JCAD: variants seen among roughly 807,000 people sequenced by gnomAD.
JCAD encodes the protein junctional cadherin 5-associated protein.
In JCAD, 40 loss-of-function variants were observed where a neutral mutation model predicts 98.0. The ratio of observed to expected loss-of-function variants is 0.41; its 90% CI spans 0.32 to 0.53. JCAD has a LOEUF of 0.53. JCAD is among the 20% of genes least tolerant of loss of function. JCAD has a pLI of 0.31. For missense variants in JCAD, 1,705 were observed against 1,738.1 expected, an observed-to-expected ratio of 0.98 and a Z score of 0.34; for synonymous variants, 691 against 682.3, an observed-to-expected ratio of 1.01 and a Z score of -0.20.
intron 3 of JCAD, among the ~76,000 whole-genome samples, chr10:30,018,737 G>C (rs140567348): frequency 5.9e-5 from 9 of 152,074 alleles, no homozygotes; most frequent in Admixed American, 1.3e-4. Flanking sequence ...AGGCTCACAC[G>C]TGCGCCTCCT....
chr10:30,039,062 G>C (rs1303746634), intron 2 of JCAD, among the ~76,000 whole-genome samples: 1 of 152,176 alleles, frequency 6.6e-6, no homozygotes, highest in African/African-American at 2.4e-5. Context: ...TGATTAACAT[G>C]GCAAGGACGC....
chr10:30,051,284 GCA>G lies in JCAD; in HGVS notation c.-59-3415_-59-3414del, dbSNP rs58845322. On this transcript the variant is annotated intron_variant, in intron 1 of 3. Coordinates refer to ENST00000375377, the MANE Select transcript of JCAD (RefSeq NM_020848.4). ...CGCACACACGCACGCACACACGCACGCACACACACACACACACACACACAAGA... is the reference window on the plus strand; with the variant it reads ...CGCACACACGCACGCACACACGCACGCACACACACACACACACACACAAGA... Among the ~76,000 whole-genome samples the G allele has an allele frequency of 2.6e-3, 377 of 146,698 alleles. 2 individuals are homozygous for G. Among genetic ancestry groups the G allele is most frequent in the South Asian group, 8.7e-3 (38 of 4,356 alleles).
chr10:30,110,815 T>G (rs1418689970), intron 1 of JCAD, among the ~76,000 whole-genome samples: 1 of 152,064 alleles, frequency 6.6e-6, no homozygotes, highest in African/African-American at 2.4e-5. Flanking sequence ...GACCAGCTGA[T>G]GTATGCACCC....
chr10:30,056,017 G>A (rs2132653621), intron 1 of JCAD, among the ~76,000 whole-genome samples: 1 of 152,088 alleles, frequency 6.6e-6, no homozygotes, highest in Middle Eastern at 3.4e-3. Flanking sequence ...GCTTTGGCTA[G>A]CAATATTTTT....
intron 3 of JCAD, among the ~76,000 whole-genome samples, chr10:30,018,260 G>A (rs1244962796): frequency 6.6e-6 from 1 of 150,466 alleles, no homozygotes; most frequent in African/African-American, 2.5e-5. Flanking sequence ...TAAGGTAGAT[G>A]TCTTATCTTT....
At chr10:30,058,424 C>G (rs1338909852) in intron 1 of JCAD, among the ~76,000 whole-genome samples, 2 of 152,142 alleles carry the variant, frequency 1.3e-5, no homozygotes, top group Non-Finnish European at 2.9e-5. Context: ...GCTAATTCCC[C>G]CAAGGCCTCT....
At chr10:30,030,173 G>T (rs543567215) in intron 2 of JCAD, among the ~76,000 whole-genome samples, 9 of 152,342 alleles carry the variant, frequency 5.9e-5, no homozygotes, top group African/African-American at 2.2e-4. Context: ...GCCGGGCACC[G>T]TGGCTCATGC....
rs927740410 is a variant in JCAD, at chr10:30,059,072, G to A, written c.-60+410C>T. 1.3e-5 allele frequency among the ~76,000 whole-genome samples: 2 copies of A among 152,016 alleles called. No homozygotes were observed. Among genetic ancestry groups the A allele is most frequent in the Non-Finnish European group, 2.9e-5 (2 of 67,950 alleles). ...GCGCGAGGGCGCGGGAGGGGTTGGT[G>A]GACACAGGCTGGGGAGGGCGACTTC... On this transcript the variant is annotated intron_variant, in intron 1 of 3. Transcript: ENST00000375377. This position sits in a 1 kb window ranked among gnomAD's most constrained non-coding sequence, Gnocchi z 5.0.
At chr10:30,058,095 G>C (rs368670994) in intron 1 of JCAD, among the ~76,000 whole-genome samples, 1 of 152,178 alleles carries the variant, frequency 6.6e-6, no homozygotes, top group Non-Finnish European at 1.5e-5. Flanking sequence ...ATTTCTGGCT[G>C]CCCGAATCCT....
At chr10:30,100,449 T>A (rs919226899) in intron 1 of JCAD, among the ~76,000 whole-genome samples, 1 of 152,176 alleles carries the variant, frequency 6.6e-6, no homozygotes, top group African/African-American at 2.4e-5. Flanking sequence ...TGACGCGATC[T>A]CGGTTCACTG....
intron 1 of JCAD, among the ~76,000 whole-genome samples, chr10:30,097,421 T>C (rs1838388805): frequency 6.6e-6 from 1 of 152,080 alleles, no homozygotes; most frequent in South Asian, 2.1e-4. Flanking sequence ...TTTTCTATTT[T>C]TCATCCTACA....
upstream of JCAD, among the ~76,000 whole-genome samples, chr10:30,063,746 A>C (rs145113967): frequency 8.5e-5 from 13 of 152,180 alleles, no homozygotes; most frequent in South Asian, 4.2e-4. Context: ...TATAGTTTGA[A>C]TATTTGTTTC....
intron 1 of JCAD, among the ~76,000 whole-genome samples, chr10:30,086,207 T>TA (rs1156301781): frequency 3.9e-5 from 6 of 152,220 alleles, no homozygotes; most frequent in East Asian, 1.9e-4. Flanking sequence ...TTAACTATCT[T>TA]AAAAAAAATC....
rs917257779 is a variant in JCAD, at chr10:30,035,893, C to A, written c.282-6027G>T. Among the ~76,000 whole-genome samples the A allele has an allele frequency of 5.9e-5, 9 of 152,168 alleles. No homozygotes were observed. In the South Asian group the frequency reaches 1.7e-3, roughly 28 times the overall value. ...CGGGACGGAGATGAAACAGAAGTTA[C>A]ACTTGCCAACAGCCCCATCTCTCAT... On this transcript the variant is annotated intron_variant, in intron 2 of 3. Coordinates refer to ENST00000375377, the MANE Select transcript of JCAD (RefSeq NM_020848.4).
chr10:30,109,668 G>T (rs1332448863), intron 1 of JCAD, among the ~76,000 whole-genome samples: 22 of 152,206 alleles, frequency 1.4e-4, no homozygotes, highest in Admixed American at 1.4e-3. Flanking sequence ...GGGTTGGGTG[G>T]ATGGTGGAAG....
chr10:30,071,626 GA>G (rs1234710578), intron 1 of JCAD, among the ~76,000 whole-genome samples: 4 of 152,092 alleles, frequency 2.6e-5, no homozygotes, highest in Non-Finnish European at 5.9e-5. Context: ...ACAACATGGT[GA>G]AATCCTGTCT....
intron 1 of JCAD, among the ~76,000 whole-genome samples, chr10:30,114,578 T>TAAAAAAAAAAAAAAAAAAAAAAAAAAAA (rs11360136): frequency 8.0e-6 from 1 of 124,686 alleles, no homozygotes; most frequent in African/African-American, 3.1e-5. Context: ...ACAGCACAAT[T>TAAAAAAAAAAAAAAAAAAAAAAAAAAAA]AAAAAAAAAA....
At chr10:30,038,675 C>A (rs1837171720) in intron 2 of JCAD, among the ~76,000 whole-genome samples, 1 of 131,288 alleles carries the variant, frequency 7.6e-6, no homozygotes, top group African/African-American at 3.0e-5. Flanking sequence ...CAGAGAGAGA[C>A]CCTGTCTCAA....
intron 2 of JCAD, among the ~76,000 whole-genome samples, chr10:30,067,955 A>G (rs1309053129): frequency 6.6e-6 from 1 of 152,218 alleles, no homozygotes. Context: ...ATTGTAACAC[A>G]GTGTTATTTG....
Sources: gnomAD v4.1 joint callset for allele counts (sites outside exome capture counted in the v4.1 genomes callset) on GRCh38, gnomAD v4.1.1 for gene constraint, Gnocchi (gnomAD v3.1) non-coding constraint, MANE v1.5 for transcripts, NCBI Gene and HGNC (gene_info 2026-07-23, HGNC 2026-07-21) for gene names.